Variants in CPPED1 observed in about 807,000 individuals in gnomAD.
CPPED1 encodes the protein serine/threonine-protein phosphatase CPPED1.
A neutral mutation model predicts 28.0 loss-of-function variants in CPPED1; 28 were observed. The ratio of observed to expected loss-of-function variants is 1.00; its 90% CI spans 0.74 to 1.37. CPPED1 has a LOEUF of 1.37. CPPED1 is among the 40% of genes most tolerant of loss of function. The pLI is 0.00. For missense variants in CPPED1, 504 were observed against 416.5 expected (o/e 1.21, Z -1.83); for synonymous variants, 198 against 180.2 (o/e 1.10, Z -0.79).
chr16:12,699,182 T>G (rs1192274799), intron 3 of CPPED1, among the ~76,000 whole-genome samples: 1 of 152,206 alleles, frequency 6.6e-6, no homozygotes, highest in East Asian at 1.9e-4. Flanking sequence ...GGAAAACCAA[T>G]TTCTACATCC....
At chr16:12,712,552 T>C (rs1053929269) in intron 2 of CPPED1, among the ~76,000 whole-genome samples, 2 of 152,172 alleles carry the variant, frequency 1.3e-5, no homozygotes, top group Non-Finnish European at 2.9e-5. Context: ...TAAATGTTTA[T>C]TAATAAGGAA....
rs145268754 is a variant in CPPED1, at chr16:12,771,171, T to A, written c.289+10014A>T. 1.7e-4 allele frequency among the ~76,000 whole-genome samples: 26 copies of A among 152,318 alleles called. No individual in the cohort carries two copies. In the East Asian group the frequency reaches 4.0e-3, roughly 24 times the overall value. On this transcript the variant is annotated intron_variant, in intron 2 of 3. Transcript: ENST00000381774. Reference sequence around the variant, plus strand: ...AACTTCATGTTTCAATATATCTACATGTATCTATATTCCTTATTTCTAAGT... The same window carrying A: ...AACTTCATGTTTCAATATATCTACAAGTATCTATATTCCTTATTTCTAAGT...
chr16:12,688,733 C>T (rs1353004493), intron 3 of CPPED1, among the ~76,000 whole-genome samples: 2 of 152,228 alleles, frequency 1.3e-5, no homozygotes, highest in East Asian at 3.8e-4. Flanking sequence ...CCGATGCTTA[C>T]TCCACCTCAT....
At chr16:12,782,001 G>GCTAA (rs1254885425) in intron 1 of CPPED1, among the ~76,000 whole-genome samples, 2 of 152,104 alleles carry the variant, frequency 1.3e-5, no homozygotes, top group Admixed American at 6.6e-5. Context: ...AAAAATCGAT[G>GCTAA]CTAACATTTC....
At chr16:12,669,667 G>A (rs1419732778) in intron 3 of CPPED1, among the ~76,000 whole-genome samples, 6 of 152,202 alleles carry the variant, frequency 3.9e-5, no homozygotes, top group African/African-American at 9.6e-5. Context: ...ATAGACATTC[G>A]TTTCCTTGCT....
At chr16:12,711,823 T>C (rs993857664) in intron 2 of CPPED1, among the ~76,000 whole-genome samples, 1 of 152,118 alleles carries the variant, frequency 6.6e-6, no homozygotes, top group Non-Finnish European at 1.5e-5. Context: ...TCACCTCCTT[T>C]ATGGAAATTC....
chr16:12,790,657 A>C (rs1009837928), intron 1 of CPPED1, among the ~76,000 whole-genome samples: 16 of 152,182 alleles, frequency 1.1e-4, no homozygotes, highest in Non-Finnish European at 1.5e-4. Context: ...GCGGTGGCTC[A>C]CGCCTGTAAT....
chr16:12,792,705 T>C (rs540211165), intron 1 of CPPED1, among the ~76,000 whole-genome samples: 3 of 152,264 alleles, frequency 2.0e-5, no homozygotes, highest in East Asian at 1.9e-4. Flanking sequence ...GTTCGCATGA[T>C]AGTGAATAAG....
intron 3 of CPPED1, among the ~76,000 whole-genome samples, chr16:12,685,218 A>G (rs573751362): frequency 4.6e-5 from 7 of 152,190 alleles, no homozygotes; most frequent in Non-Finnish European, 7.4e-5. Flanking sequence ...TGGGAGGCTG[A>G]GTGGACAGAT....
intron 3 of CPPED1, among the ~76,000 whole-genome samples, chr16:12,688,302 C>T (rs1713465): frequency 6.6e-6 from 1 of 150,896 alleles, no homozygotes; most frequent in African/African-American, 2.4e-5. Flanking sequence ...AGAAACAACT[C>T]TAAAGTGTCC....
chr16:12,762,242 CTTT>C (rs2080414127), intron 2 of CPPED1, among the ~76,000 whole-genome samples: 1 of 152,138 alleles, frequency 6.6e-6, no homozygotes, highest in Non-Finnish European at 1.5e-5. Context: ...ATTTTTACTT[CTTT>C]GTCGGGGGAA....
At chr16:12,716,689 G>T (rs1208723733) in intron 2 of CPPED1, among the ~76,000 whole-genome samples, 3 of 152,208 alleles carry the variant, frequency 2.0e-5, no homozygotes, top group Non-Finnish European at 4.4e-5. Flanking sequence ...GCCAGAGGCA[G>T]AATCTGAGCA....
intron 2 of CPPED1, chr16:12,759,538 T>C (rs1318942928): frequency 1.3e-5 from 2 of 152,188 alleles, no homozygotes; most frequent in South Asian, 2.1e-4. Flanking sequence ...CAGGTGAATA[T>C]ATTCAAGGGG....
chr16:12,739,012 G>A (rs1208658161), intron 2 of CPPED1, among the ~76,000 whole-genome samples: 1 of 152,176 alleles, frequency 6.6e-6, no homozygotes, highest in Non-Finnish European at 1.5e-5. Context: ...TGAAGGGTGA[G>A]TGGGTTTGGG....
At chr16:12,757,125 C>T (rs528984976) in intron 2 of CPPED1, among the ~76,000 whole-genome samples, 28 of 151,878 alleles carry the variant, frequency 1.8e-4, no homozygotes, top group Non-Finnish European at 3.5e-4. Context: ...TACAGCACCT[C>T]GAGGGTGACC....
At chr16:12,705,732 T>A (rs1415443136) in intron 2 of CPPED1, among the ~76,000 whole-genome samples, 1 of 152,216 alleles carries the variant, frequency 6.6e-6, no homozygotes, top group Non-Finnish European at 1.5e-5. Flanking sequence ...CACTCCAGCC[T>A]GGGCAACAAG....
chr16:12,727,345 C>G (rs563615001), intron 2 of CPPED1, among the ~76,000 whole-genome samples: 1 of 152,224 alleles, frequency 6.6e-6, no homozygotes, highest in South Asian at 2.1e-4. Flanking sequence ...GTCTGGATAT[C>G]AAAGCCTTTT....
At chr16:12,723,971 T>G (rs575093653) in intron 2 of CPPED1, among the ~76,000 whole-genome samples, 1 of 151,674 alleles carries the variant, frequency 6.6e-6, no homozygotes, top group African/African-American at 2.4e-5. Flanking sequence ...GCCACCACCA[T>G]GTCTTGGGGA....
chr16:12,784,240 A>T (rs916021133), intron 1 of CPPED1, among the ~76,000 whole-genome samples: 2 of 152,228 alleles, frequency 1.3e-5, no homozygotes, highest in African/African-American at 4.8e-5. Context: ...CCAAAAGCCC[A>T]TGAGAAACCA....
Sources: gnomAD v4.1 joint callset for allele counts (sites outside exome capture counted in the v4.1 genomes callset) on GRCh38, gnomAD v4.1.1 for gene constraint, MANE v1.5 for transcripts, NCBI Gene and HGNC (gene_info 2026-07-23, HGNC 2026-07-21) for gene names.